Variants in KATNAL1 observed in about 807,000 individuals in gnomAD.
KATNAL1 encodes the protein katanin p60 ATPase-containing subunit A-like 1.
Under a neutral mutation model 55.2 loss-of-function variants are expected in KATNAL1, and 32 were observed. That is an observed-to-expected ratio of 0.58 (90% CI 0.44 to 0.78). KATNAL1 has a LOEUF of 0.78. Among genes scored for constraint, KATNAL1 ranks in the 30% least tolerant of loss-of-function variants. The pLI, the probability that KATNAL1 is intolerant of heterozygous loss-of-function variation, is 0.00. For synonymous variants in KATNAL1, 193 were observed against 193.6 expected (o/e 1.00, Z 0.02); for missense variants, 466 against 600.9 (o/e 0.78, Z 2.35).
Position 30,210,242 on chromosome 13 carries a change from A to C in KATNAL1, c.1274+74T>G. On this transcript the variant is annotated intron_variant, in intron 10 of 10. Coordinates refer to ENST00000380615, the MANE Select transcript of KATNAL1 (RefSeq NM_032116.5). ...CATGTCTAACTACACTGGGCTAACT[A>C]CATTGACTTTAAGACCAGTCCTCCT... 5.3e-6 allele frequency: 7 copies of C among 1,309,596 alleles called. No individual in the cohort carries two copies. The South Asian group carries it at 1.2e-4, about 23-fold the overall frequency. The allele number at this position is 1,309,596 out of a possible 1,614,324, so 81.1% of individuals were successfully genotyped here. A position where few individuals can be genotyped will look rare whatever the true frequency, so the allele number is the denominator to read the frequency against.
rs1490364280 is a variant in KATNAL1, at chr13:30,202,732, A to C, written c.*5808T>G. ...GTAGCAGCACAAAAGGTAAGGAAAA[A>C]CACATTTAATAAATACAACTTGGAA... is the stretch of plus-strand genomic sequence containing the variant. On this transcript the variant is annotated 3_prime_UTR_variant, in exon 11 of 11. Transcript: ENST00000380615. The C allele has an allele frequency of 6.6e-6, 1 of 152,240 alleles. No homozygotes were observed. The highest frequency in any genetic ancestry group is 1.5e-5 in the Non-Finnish European group (1 of 68,036). 9.4% of individuals were successfully genotyped at this position (152,240 alleles called of 1,614,324 possible). A position where few individuals can be genotyped will look rare whatever the true frequency, so the allele number is the denominator to read the frequency against.
chr13:30,271,542 T>G (rs1880358656), intron 3 of KATNAL1, among the ~76,000 whole-genome samples: 1 of 152,000 alleles, frequency 6.6e-6, no homozygotes, highest in Non-Finnish European at 1.5e-5. Context: ...TGCTACACAC[T>G]TTTTAACAAC....
intron 6 of KATNAL1, among the ~76,000 whole-genome samples, chr13:30,232,422 C>T (rs1876194398): frequency 6.6e-6 from 1 of 152,102 alleles, no homozygotes; most frequent in Non-Finnish European, 1.5e-5. Flanking sequence ...GCTTTTCTAG[C>T]TATAGAATTT....
intron 4 of KATNAL1, among the ~76,000 whole-genome samples, chr13:30,243,854 T>C (rs1301580213): frequency 2.0e-5 from 3 of 152,206 alleles, no homozygotes; most frequent in Non-Finnish European, 4.4e-5. Flanking sequence ...TGCCTCTCAC[T>C]TGCCTAATTT....
rs186839093 is a variant in KATNAL1 at position 30,304,841 on chromosome 13, G to T, written c.-15+2490C>A. Among the ~76,000 whole-genome samples, 219 of 152,126 alleles carry T rather than the reference G, an allele frequency of 1.4e-3. 3 individuals carry two copies. Among genetic ancestry groups the T allele is most frequent in the Non-Finnish European group, 4.9e-4 (33 of 68,008 alleles). On this transcript the variant is annotated intron_variant, in intron 1 of 10. Transcript: ENST00000380615. ...CCAGCTCCTCCTCATCTCAATCAAC[G>T]GATTCACTATTACCTCAGTCATGCT...
chr13:30,223,302 A>C (rs563149921), intron 9 of KATNAL1, among the ~76,000 whole-genome samples: 40 of 145,792 alleles, frequency 2.7e-4, no homozygotes, highest in Admixed American at 8.9e-4. Flanking sequence ...ATTAGCCGGG[A>C]ATGGTGGCAG....
intron 6 of KATNAL1, among the ~76,000 whole-genome samples, chr13:30,235,426 T>A (rs537006847): frequency 2.6e-5 from 4 of 152,246 alleles, no homozygotes; most frequent in Non-Finnish European, 5.9e-5. Flanking sequence ...ACCATGAGGC[T>A]GGCACCATGC....
In KATNAL1 at chr13:30,268,989, T is replaced by C. The variant is rs142158600; in HGVS notation, c.323+11074A>G. Among the ~76,000 whole-genome samples, 693 of 152,210 alleles carry C rather than the reference T, an allele frequency of 4.6e-3. 7 individuals are homozygous for C. The highest frequency in any genetic ancestry group is 0.016 in the African/African-American group (667 of 41,518). Reference sequence around the variant, plus strand: ...AGCAGGAATGGTAACACACACACAATATAGTATAATATATAATATAATAAT... The same window carrying C: ...AGCAGGAATGGTAACACACACACAACATAGTATAATATATAATATAATAAT... On this transcript the variant is annotated intron_variant, in intron 3 of 10. Transcript: ENST00000380615.
intron 9 of KATNAL1, among the ~76,000 whole-genome samples, chr13:30,214,999 G>T (rs190679041): frequency 2.0e-5 from 3 of 151,972 alleles, no homozygotes; most frequent in Admixed American, 2.0e-4. Flanking sequence ...CTACAAAATG[G>T]GAGAAAATTT....
At chr13:30,240,025 G>GA (rs1324053525) in intron 6 of KATNAL1, among the ~76,000 whole-genome samples, 3 of 151,850 alleles carry the variant, frequency 2.0e-5, no homozygotes, top group Admixed American at 6.6e-5. Context: ...CCTCTTTTTA[G>GA]AAAAAACATT....
At chr13:30,231,217 C>T in intron 7 of KATNAL1, 97 bp downstream of exon 7, 3 of 906,712 alleles carry the variant, frequency 3.3e-6, no homozygotes, top group South Asian at 2.4e-5. Flanking sequence ...AACTACACTG[C>T]CCTTTTCAAA....
In KATNAL1 at chr13:30,205,682, C is replaced by T. The variant is rs11620056; in HGVS notation, c.*2858G>A. On this transcript the variant is annotated 3_prime_UTR_variant, in exon 11 of 11. Coordinates refer to ENST00000380615, the MANE Select transcript of KATNAL1 (RefSeq NM_032116.5). ...GTACATTAAAAGTTAGGGCTGGGCA[C>T]AGTGGCTCACGCCTGTAATCCAAGC... The T allele has an allele frequency of 0.099, 14,579 of 146,828 alleles. 855 individuals carry two copies. Among genetic ancestry groups the T allele is most frequent in the African/African-American group, 0.17 (6,596 of 38,474 alleles). 9.1% of individuals were successfully genotyped at this position (146,828 alleles called of 1,614,324 possible).
intron 10 of KATNAL1, among the ~76,000 whole-genome samples, chr13:30,209,578 C>T (rs566882664): frequency 6.6e-6 from 1 of 152,334 alleles, no homozygotes; most frequent in Non-Finnish European, 1.5e-5. Context: ...CTGTCTAAAA[C>T]TTATGATGTC....
chr13:30,242,286 A>T (rs999338738), intron 4 of KATNAL1, among the ~76,000 whole-genome samples: 1 of 152,226 alleles, frequency 6.6e-6, no homozygotes, highest in Non-Finnish European at 1.5e-5. Flanking sequence ...TTTTAATATG[A>T]ATGTCCAAGT....
intron 3 of KATNAL1, among the ~76,000 whole-genome samples, chr13:30,273,907 T>C (rs973408894): frequency 2.7e-5 from 4 of 150,800 alleles, no homozygotes; most frequent in Non-Finnish European, 4.4e-5. Flanking sequence ...TCATTCTGTG[T>C]ATCTCATTAA....
chr13:30,274,907 G>GCGCGCGCGCGCACCCA (rs869107567), intron 3 of KATNAL1, among the ~76,000 whole-genome samples: 1 of 105,390 alleles, frequency 9.5e-6, no homozygotes, highest in Non-Finnish European at 1.9e-5. Context: ...GCGCGCGCGC[G>GCGCGCGCGCGCACCCA]CACACACACA....
intron 6 of KATNAL1, among the ~76,000 whole-genome samples, chr13:30,235,729 T>C (rs532032985): frequency 6.6e-6 from 1 of 152,300 alleles, no homozygotes; most frequent in South Asian, 2.1e-4. Context: ...CTGATTCTGA[T>C]TTACATCCTT....
In KATNAL1 at chr13:30,239,689, T is replaced by C. The variant is rs931451032; in HGVS notation, c.726+771A>G. Among the ~76,000 whole-genome samples the C allele has an allele frequency of 3.4e-5, 5 of 148,884 alleles. No individual in the cohort carries two copies. The East Asian group carries it at 9.8e-4, about 29-fold the overall frequency. On this transcript the variant is annotated intron_variant, in intron 6 of 10. Transcript: ENST00000380615. Reference sequence around the variant, plus strand: ...TTTTGTAATGATACAGAAGTGATTTTTTTTTTTTTTTTTTTGAGATGGAGT... The same window carrying C: ...TTTTGTAATGATACAGAAGTGATTTCTTTTTTTTTTTTTTTGAGATGGAGT...
chr13:30,216,507 G>T (rs1415602897), intron 9 of KATNAL1, among the ~76,000 whole-genome samples: 1 of 152,208 alleles, frequency 6.6e-6, no homozygotes, highest in Non-Finnish European at 1.5e-5. Flanking sequence ...CAGCAAGCAG[G>T]TGTGATTTGG....
Sources: gnomAD v4.1 joint callset for allele counts (sites outside exome capture counted in the v4.1 genomes callset) on GRCh38, gnomAD v4.1.1 for gene constraint, MANE v1.5 for transcripts, NCBI Gene and HGNC (gene_info 2026-07-23, HGNC 2026-07-21) for gene names.